The following CNTNAP2 variants were observed in gnomAD, a reference collection of about 807,000 sequenced individuals.
CNTNAP2 encodes the protein contactin-associated protein-like 2.
CNTNAP2 carries 98 observed loss-of-function variants against 155.2 expected under a neutral mutation model. That is an observed-to-expected ratio of 0.63 (90% confidence interval 0.54 to 0.75). The LOEUF is 0.75. CNTNAP2 is among the 30% of genes least tolerant of loss of function. The pLI is 0.00. For synonymous variants in CNTNAP2, 651 were observed against 631.2 expected (o/e 1.03, Z -0.47); for missense variants, 1,727 against 1,688.1 (o/e 1.02, Z -0.40).
chr7:146,318,448 T>A (rs993225619), intron 1 of CNTNAP2, among the ~76,000 whole-genome samples: 6 of 152,120 alleles, frequency 3.9e-5, no homozygotes, highest in African/African-American at 1.2e-4. Context: ...ATACGTCACT[T>A]AAAAATTTAA....
rs146683405 is a variant in CNTNAP2, at chr7:147,463,205, G to T, written c.1671-22730G>T. On this transcript the variant is annotated intron_variant, in intron 10 of 23. Coordinates refer to ENST00000361727, the MANE Select transcript of CNTNAP2 (RefSeq NM_014141.6). ...GATTAAGGATATTAATCTTAGAATT[G>T]TATGGCAATAGCAAGCTGTGAGACC... is the stretch of plus-strand genomic sequence containing the variant. Among the ~76,000 whole-genome samples, 812 of 152,284 alleles carry T rather than the reference G, an allele frequency of 5.3e-3. 5 individuals carry two copies. The highest frequency in any genetic ancestry group is 0.01 in the Middle Eastern group (3 of 294).
At chr7:146,317,715 T>C (rs1011122516) in intron 1 of CNTNAP2, among the ~76,000 whole-genome samples, 3 of 152,244 alleles carry the variant, frequency 2.0e-5, no homozygotes, top group Non-Finnish European at 4.4e-5. Flanking sequence ...TTACTGATGC[T>C]GTCATATTGG....
intron 8 of CNTNAP2, among the ~76,000 whole-genome samples, chr7:147,292,919 A>G (rs1805345653): frequency 6.6e-6 from 1 of 151,984 alleles, no homozygotes; most frequent in Admixed American, 6.6e-5. Context: ...ACAGGCATGC[A>G]CCACCATGCT....
At chr7:147,960,437 T>C (rs1801096627) in intron 14 of CNTNAP2, among the ~76,000 whole-genome samples, 3 of 152,180 alleles carry the variant, frequency 2.0e-5, no homozygotes, top group South Asian at 2.1e-4. Context: ...AGTGGTGTTA[T>C]TGAAAGTTCA....
chr7:147,539,279 C>T (rs1276226245), intron 11 of CNTNAP2, among the ~76,000 whole-genome samples: 2 of 152,050 alleles, frequency 1.3e-5, no homozygotes, highest in East Asian at 1.9e-4. Context: ...TCAATAAGTA[C>T]AAGACTCTCT....
At chr7:146,367,398 T>C (rs1013522923) in intron 1 of CNTNAP2, among the ~76,000 whole-genome samples, 26 of 152,156 alleles carry the variant, frequency 1.7e-4, no homozygotes, top group African/African-American at 6.3e-4. Flanking sequence ...AAGCCTTTGG[T>C]GTACTTATAT....
At chr7:148,362,056 A>C (rs185842473) in intron 21 of CNTNAP2, among the ~76,000 whole-genome samples, 1 of 152,314 alleles carries the variant, frequency 6.6e-6, no homozygotes, top group Non-Finnish European at 1.5e-5. Context: ...AAAATACAAA[A>C]AAACTAGCTG....
At chr7:146,762,777 G>T (rs1563220645) in intron 1 of CNTNAP2, among the ~76,000 whole-genome samples, 1 of 152,148 alleles carries the variant, frequency 6.6e-6, no homozygotes, top group Non-Finnish European at 1.5e-5. Flanking sequence ...GCAAAGTCAT[G>T]TCTTACATGG....
intron 21 of CNTNAP2, among the ~76,000 whole-genome samples, chr7:148,274,534 C>G (rs546948392): frequency 6.6e-6 from 1 of 152,190 alleles, no homozygotes; most frequent in African/African-American, 2.4e-5. Flanking sequence ...GATAAGTGAG[C>G]TCTCACTCTG....
At chr7:147,709,312 CA>C (rs1466889779) in intron 13 of CNTNAP2, among the ~76,000 whole-genome samples, 1 of 152,164 alleles carries the variant, frequency 6.6e-6, no homozygotes, top group Non-Finnish European at 1.5e-5. Flanking sequence ...TTCCTATGCC[CA>C]ATCCCGCATC....
chr7:146,363,271 T>C (rs1795110461), intron 1 of CNTNAP2, among the ~76,000 whole-genome samples: 1 of 152,232 alleles, frequency 6.6e-6, no homozygotes, highest in African/African-American at 2.4e-5. Context: ...GATTCAAGGC[T>C]GGGCAGTCAC....
chr7:147,939,619 G>T (rs946508403), intron 14 of CNTNAP2, among the ~76,000 whole-genome samples: 3 of 152,106 alleles, frequency 2.0e-5, no homozygotes, highest in African/African-American at 7.2e-5. Context: ...GAGCCACCAC[G>T]CCTGGCCTCA....
intron 1 of CNTNAP2, among the ~76,000 whole-genome samples, chr7:146,345,328 G>A (rs1794802546): frequency 6.6e-6 from 1 of 152,140 alleles, no homozygotes; most frequent in Admixed American, 6.5e-5. Context: ...GTGAAAGGAA[G>A]AACCCAAACA....
intron 1 of CNTNAP2, among the ~76,000 whole-genome samples, chr7:146,149,616 T>G (rs1309276760): frequency 6.6e-6 from 1 of 151,858 alleles, no homozygotes. Context: ...GGCCAATTGA[T>G]CTTCCAAAAA....
At chr7:147,072,036 T>C (rs1799903007) in intron 4 of CNTNAP2, among the ~76,000 whole-genome samples, 1 of 152,088 alleles carries the variant, frequency 6.6e-6, no homozygotes, top group Admixed American at 6.5e-5. Context: ...TCCTGGAGGA[T>C]GGTAGTGCTC....
At chr7:146,354,411 A>ATTTTTTTTTTTTTTTTTTTTTTTTTTTT (rs10641636) in intron 1 of CNTNAP2, among the ~76,000 whole-genome samples, 1 of 135,346 alleles carries the variant, frequency 7.4e-6, no homozygotes, top group Non-Finnish European at 1.6e-5. Context: ...TCTTGTTAGT[A>ATTTTTTTTTTTTTTTTTTTTTTTTTTTT]TTTTTTTTTT....
At chr7:146,194,492 C>A (rs966957568) in intron 1 of CNTNAP2, among the ~76,000 whole-genome samples, 4 of 152,124 alleles carry the variant, frequency 2.6e-5, no homozygotes, top group Admixed American at 1.3e-4. Flanking sequence ...TGGGAAAGAC[C>A]TATCCCCGTG....
At chr7:146,134,227 A>G (rs1303658757) in intron 1 of CNTNAP2, among the ~76,000 whole-genome samples, 1 of 151,706 alleles carries the variant, frequency 6.6e-6, no homozygotes, top group South Asian at 2.1e-4. Context: ...TTGTTGGTGT[A>G]TAAGAATGCT....
At chr7:147,704,732 T>A (rs1461512247) in intron 13 of CNTNAP2, among the ~76,000 whole-genome samples, 1 of 151,590 alleles carries the variant, frequency 6.6e-6, no homozygotes, top group Non-Finnish European at 1.5e-5. Flanking sequence ...GTTGGGAGAC[T>A]TTTTTTACTG....
Sources: gnomAD v4.1 joint callset for allele counts (sites outside exome capture counted in the v4.1 genomes callset) on GRCh38, gnomAD v4.1.1 for gene constraint, MANE v1.5 for transcripts, NCBI Gene and HGNC (gene_info 2026-07-23, HGNC 2026-07-21) for gene names.